The following PITPNC1 variants were observed in gnomAD, a reference collection of about 807,000 sequenced individuals.
The protein encoded by PITPNC1 is phosphatidylinositol transfer protein cytoplasmic 1, also known as cytoplasmic phosphatidylinositol transfer protein 1.
A neutral mutation model predicts 44.7 loss-of-function variants in PITPNC1; 18 were observed. That is an observed-to-expected ratio of 0.40 (90% CI 0.28 to 0.60). PITPNC1 has a LOEUF of 0.60. Among genes scored for constraint, PITPNC1 ranks in the 20% least tolerant of loss-of-function variants. PITPNC1 has a pLI of 0.39. For missense variants in PITPNC1, 290 were observed against 418.4 expected (o/e 0.69, Z 2.68); for synonymous variants, 141 against 149.6 (o/e 0.94, Z 0.42).
At chr17:67,643,642 G>A (rs1021714409) in intron 6 of PITPNC1, among the ~76,000 whole-genome samples, 5 of 152,148 alleles carry the variant, frequency 3.3e-5, no homozygotes, top group South Asian at 2.1e-4. Flanking sequence ...CCTCCCAGGC[G>A]GTCACAGCCA....
At chr17:67,581,563 C>A (rs1423401089) in intron 5 of PITPNC1, among the ~76,000 whole-genome samples, 2 of 152,186 alleles carry the variant, frequency 1.3e-5, no homozygotes, top group Admixed American at 1.3e-4. Flanking sequence ...ACCCCCTGCC[C>A]CCCAGGCTCT....
At chr17:67,384,518 C>T (rs191861008) in intron 1 of PITPNC1, among the ~76,000 whole-genome samples, 10 of 152,228 alleles carry the variant, frequency 6.6e-5, no homozygotes, top group African/African-American at 1.7e-4. Context: ...CTCCGCCTCC[C>T]GGGTTCACGC....
chr17:67,517,860 A>T (rs2040277556), intron 1 of PITPNC1, among the ~76,000 whole-genome samples: 1 of 152,192 alleles, frequency 6.6e-6, no homozygotes, highest in African/African-American at 2.4e-5. Context: ...AAATATACTA[A>T]AAGCCACCGA....
At chr17:67,427,117 G>A (rs1216399103) in intron 1 of PITPNC1, among the ~76,000 whole-genome samples, 1 of 152,170 alleles carries the variant, frequency 6.6e-6, no homozygotes, top group Admixed American at 6.6e-5. Context: ...TCTCCTGGTT[G>A]TCTGGAATGA....
Position 67,696,398 on chromosome 17 carries a change from T to G in PITPNC1, c.*3510T>G, listed in dbSNP as rs2043011458. 6.6e-6 allele frequency: 1 copy of G among 152,236 alleles called. No individual in the cohort carries two copies. The highest frequency in any genetic ancestry group is 2.1e-4 in the South Asian group (1 of 4,824). The allele number at this position is 152,236 out of a possible 1,614,324, so 9.4% of individuals were successfully genotyped here. A position where few individuals can be genotyped will look rare whatever the true frequency, so the allele number is the denominator to read the frequency against. On this transcript the variant is annotated 3_prime_UTR_variant, in exon 9 of 9. Transcript: ENST00000581322. ...GACAACAAAGTAATAGGTCATTGGC[T>G]GGCTTACGTCGATAGGAATTTTACT...
intron 2 of PITPNC1, among the ~76,000 whole-genome samples, chr17:67,547,582 A>G (rs900421738): frequency 1.3e-5 from 2 of 152,176 alleles, no homozygotes; most frequent in Non-Finnish European, 2.9e-5. Context: ...CTGTTGAGAA[A>G]ATGAAATTAG....
intron 6 of PITPNC1, among the ~76,000 whole-genome samples, chr17:67,665,970 A>T (rs2042416945): frequency 6.6e-6 from 1 of 151,556 alleles, no homozygotes; most frequent in South Asian, 2.1e-4. Context: ...CCTCCCTAGT[A>T]GCTGGGATTA....
At position 67,552,249 on chromosome 17, in the gene PITPNC1, C is replaced by T. The variant is rs1372001073; in HGVS notation, c.198-8C>T. On this transcript the variant is annotated splice_region_variant and splice_polypyrimidine_tract_variant and intron_variant, in intron 2 of 8. Coordinates refer to ENST00000581322, the MANE Select transcript of PITPNC1 (RefSeq NM_012417.4). ...CTCCAATTGTCTTTTTTCTTTCTTT[C>T]CTCTTAGCAAACTGCCTAGTTGGGC... 4.0e-6 allele frequency: 6 copies of T among 1,492,200 alleles called. No individual in the cohort carries two copies. The Admixed American group carries it at 5.0e-5, about 13-fold the overall frequency. The allele number at this position is 1,492,200 out of a possible 1,614,324, so 92.4% of individuals were successfully genotyped here. A position where few individuals can be genotyped will look rare whatever the true frequency, so the allele number is the denominator to read the frequency against.
At chr17:67,631,617 A>G (rs2041967785) in intron 5 of PITPNC1, among the ~76,000 whole-genome samples, 1 of 71,648 alleles carries the variant, frequency 1.4e-5, no homozygotes, top group Non-Finnish European at 2.8e-5. Flanking sequence ...CGAAAGAGTG[A>G]GACTCCGTCT....
intron 4 of PITPNC1, among the ~76,000 whole-genome samples, chr17:67,576,617 A>G (rs1255673709): frequency 6.7e-6 from 1 of 149,322 alleles, no homozygotes; most frequent in Admixed American, 6.6e-5. Context: ...TGCCCAGCTT[A>G]GGGCTAGCTA....
intron 6 of PITPNC1, among the ~76,000 whole-genome samples, chr17:67,651,319 C>A (rs1467769171): frequency 6.6e-6 from 1 of 152,120 alleles, no homozygotes; most frequent in Non-Finnish European, 1.5e-5. Context: ...TTGAGACCAG[C>A]CTGGCCAACA....
At chr17:67,625,582 G>A (rs1436890498) in intron 5 of PITPNC1, among the ~76,000 whole-genome samples, 1 of 152,156 alleles carries the variant, frequency 6.6e-6, no homozygotes, top group Non-Finnish European at 1.5e-5. Context: ...TGAACTGAGT[G>A]TGACGATAAG....
chr17:67,575,596 C>G (rs2041129840), intron 4 of PITPNC1, among the ~76,000 whole-genome samples: 1 of 152,052 alleles, frequency 6.6e-6, no homozygotes, highest in Non-Finnish European at 1.5e-5. Flanking sequence ...GGGGTCTCAG[C>G]TGGGCTGAAA....
chr17:67,573,749 AT>A (rs2041096099), intron 4 of PITPNC1, among the ~76,000 whole-genome samples: 2 of 151,682 alleles, frequency 1.3e-5, no homozygotes, highest in Admixed American at 1.3e-4. Flanking sequence ...TTTTGTAGAG[AT>A]GGGGGTCTCA....
intron 5 of PITPNC1, among the ~76,000 whole-genome samples, chr17:67,596,716 C>T (rs2041465215): frequency 6.6e-6 from 1 of 151,992 alleles, no homozygotes; most frequent in African/African-American, 2.4e-5. Context: ...CATGTTGTTC[C>T]TAACCTTTAT....
At chr17:67,426,776 A>G (rs2038772879) in intron 1 of PITPNC1, among the ~76,000 whole-genome samples, 1 of 152,328 alleles carries the variant, frequency 6.6e-6, no homozygotes, top group East Asian at 1.9e-4. Context: ...GGAAGCTTCC[A>G]TATTTATGTA....
At chr17:67,575,855 TTTCCTTCCTTCTTTCTTTCTTTCC>T (rs2041139139) in intron 4 of PITPNC1, among the ~76,000 whole-genome samples, 1 of 84,402 alleles carries the variant, frequency 1.2e-5, no homozygotes, top group Non-Finnish European at 2.2e-5. Context: ...TCTTTCTTTC[TTTCCTTCCTTCTTTCTTTCTTTCC>T]TTTTTTTTTT....
In PITPNC1 at chr17:67,596,628, G is replaced by A. The variant is rs558024352; in HGVS notation, c.366+18371G>A. On this transcript the variant is annotated intron_variant, in intron 5 of 8. Coordinates refer to ENST00000581322, the MANE Select transcript of PITPNC1 (RefSeq NM_012417.4). ...TAGGTTCAATCGATTCTCCTGCCTC[G>A]GCCTCCTGAGTAGCTGGGATTACAG... is the stretch of plus-strand genomic sequence containing the variant. Among the ~76,000 whole-genome samples, 22 of 151,622 alleles carry A rather than the reference G, an allele frequency of 1.5e-4. 1 individual carries two copies. The highest frequency in any genetic ancestry group is 2.6e-4 in the Admixed American group (4 of 15,212).
chr17:67,427,105 G>T (rs1187274286), intron 1 of PITPNC1, among the ~76,000 whole-genome samples: 1 of 152,192 alleles, frequency 6.6e-6, no homozygotes, highest in Non-Finnish European at 1.5e-5. Context: ...CCCTGGAGGA[G>T]TTCTCCTGGT....
Sources: gnomAD v4.1 joint callset for allele counts (sites outside exome capture counted in the v4.1 genomes callset) on GRCh38, gnomAD v4.1.1 for gene constraint, MANE v1.5 for transcripts, NCBI Gene and HGNC (gene_info 2026-07-23, HGNC 2026-07-21) for gene names.